The following HERC3 variants were observed in gnomAD, a reference collection of about 807,000 sequenced individuals.
The protein encoded by HERC3 is probable E3 ubiquitin-protein ligase HERC3.
HERC3 carries 58 observed loss-of-function variants against 129.9 expected under a neutral mutation model. The observed-to-expected ratio is 0.45, with a 90% CI of 0.36 to 0.56. The LOEUF is 0.56. HERC3 is among the 20% of genes least tolerant of loss of function. The probability of loss-of-function intolerance (pLI) is 0.00; values close to 1 mark genes in which losing one functional copy is unlikely to be tolerated. For missense variants in HERC3, 835 were observed against 1,244.2 expected, an observed-to-expected ratio of 0.67 and a Z score of 4.95; for synonymous variants, 430 against 451.0, an observed-to-expected ratio of 0.95 and a Z score of 0.59.
At chr4:88,527,592 A>G in the HERC3 span, 1 of 212,430 alleles carries the variant, frequency 4.7e-6, no homozygotes, top group Non-Finnish European at 9.4e-6. Flanking sequence ...TGGCTGCTGC[A>G]GTTATGGGGA....
intron 3 of HERC3, among the ~76,000 whole-genome samples, chr4:88,638,665 C>T (rs1316052425): frequency 6.6e-6 from 1 of 152,162 alleles, no homozygotes; most frequent in Non-Finnish European, 1.5e-5. Flanking sequence ...GAAGCATTCC[C>T]TTTGAAAACT....
the HERC3 span, among the ~76,000 whole-genome samples, chr4:88,558,825 A>G: frequency 2.0e-5 from 3 of 151,836 alleles, no homozygotes; most frequent in East Asian, 1.9e-4. Context: ...AAAATTAGCC[A>G]GGCATGATGG....
At chr4:88,658,222 T>G (rs995612368) in intron 9 of HERC3, 193 bp from the exon 10 acceptor site, 4 of 396,020 alleles carry the variant, frequency 1.0e-5, no homozygotes, top group African/African-American at 8.3e-5. Context: ...AGGATACCAT[T>G]TTATATATTT....
intron 23 of HERC3, among the ~76,000 whole-genome samples, chr4:88,691,880 T>C (rs1292135135): frequency 6.6e-6 from 1 of 152,266 alleles, no homozygotes; most frequent in Admixed American, 6.5e-5. Flanking sequence ...ACTTAGGCAG[T>C]TGTATACACA....
At chr4:88,570,370 G>GA in the HERC3 span, among the ~76,000 whole-genome samples, 1 of 152,160 alleles carries the variant, frequency 6.6e-6, no homozygotes, top group Non-Finnish European at 1.5e-5. Context: ...TCTCAGTGAT[G>GA]AAACAATCTT....
At chr4:88,540,150 A>G in the HERC3 span, among the ~76,000 whole-genome samples, 2 of 152,238 alleles carry the variant, frequency 1.3e-5, no homozygotes, top group African/African-American at 2.4e-5. Flanking sequence ...TCTGAGCTAA[A>G]AGAGCATGTT....
intron 23 of HERC3, among the ~76,000 whole-genome samples, chr4:88,701,076 A>G (rs1477427934): frequency 1.3e-5 from 2 of 152,362 alleles, no homozygotes; most frequent in East Asian, 1.9e-4. Context: ...ATTAACCATC[A>G]CAGTCTGTAA....
At chr4:88,615,012 C>T (rs1724746340) in intron 3 of HERC3, among the ~76,000 whole-genome samples, 3 of 152,304 alleles carry the variant, frequency 2.0e-5, no homozygotes, top group South Asian at 4.1e-4. Flanking sequence ...CAAATGTCAT[C>T]TTCTATACCT....
At chr4:88,539,322 C>T in the HERC3 span, among the ~76,000 whole-genome samples, 1 of 152,148 alleles carries the variant, frequency 6.6e-6, no homozygotes, top group African/African-American at 2.4e-5. Flanking sequence ...TCACTGCTAG[C>T]ACAGCAGTCT....
intron 16 of HERC3, among the ~76,000 whole-genome samples, chr4:88,675,993 A>C (rs1215242985): frequency 1.3e-5 from 2 of 152,178 alleles, no homozygotes; most frequent in Non-Finnish European, 2.9e-5. Context: ...CATGCCCTTT[A>C]ACGGTCATAA....
the HERC3 span, among the ~76,000 whole-genome samples, chr4:88,541,140 A>C: frequency 1.3e-5 from 2 of 152,222 alleles, no homozygotes; most frequent in Non-Finnish European, 2.9e-5. Flanking sequence ...TAAGATACAG[A>C]CTGGCAAATT....
At chr4:88,678,838 A>G (rs983308114) in intron 19 of HERC3, among the ~76,000 whole-genome samples, 1 of 152,234 alleles carries the variant, frequency 6.6e-6, no homozygotes, top group African/African-American at 2.4e-5. Context: ...AAAATTCCTA[A>G]TAAGTAGCAT....
chr4:88,563,382 A>C, the HERC3 span, among the ~76,000 whole-genome samples: 59 of 152,302 alleles, frequency 3.9e-4, no homozygotes, highest in African/African-American at 1.4e-3. Flanking sequence ...TTTGTTTATC[A>C]GTGCTGATAG....
chr4:88,548,794 G>A, the HERC3 span, among the ~76,000 whole-genome samples: 1 of 151,676 alleles, frequency 6.6e-6, no homozygotes, highest in Non-Finnish European at 1.5e-5. Flanking sequence ...CCAAGTAGCT[G>A]GGACTACAGG....
upstream of HERC3, among the ~76,000 whole-genome samples, chr4:88,588,853 G>C (rs181576003): frequency 1.1e-3 from 169 of 152,316 alleles, no homozygotes; most frequent in African/African-American, 3.9e-3. Context: ...AGCAGCCCTG[G>C]GCACCATCCC....
intron 21 of HERC3, among the ~76,000 whole-genome samples, chr4:88,685,268 T>A (rs1733293890): frequency 6.7e-6 from 1 of 150,152 alleles, no homozygotes; most frequent in African/African-American, 2.5e-5. Flanking sequence ...GATTTATAAA[T>A]CATTCTACTG....
intron 16 of HERC3, among the ~76,000 whole-genome samples, chr4:88,671,620 C>A (rs1235848300): frequency 6.6e-6 from 1 of 152,122 alleles, no homozygotes; most frequent in Non-Finnish European, 1.5e-5. Flanking sequence ...GCTTCCCAGG[C>A]TCAAGCCATT....
At chr4:88,592,824 C>T (rs1328497434) in intron 1 of HERC3, among the ~76,000 whole-genome samples, 1 of 152,040 alleles carries the variant, frequency 6.6e-6, no homozygotes, top group Non-Finnish European at 1.5e-5. Context: ...GTGGGCTCGC[C>T]CTCCGGTCAG....
Position 88,708,044 on chromosome 4 carries a change from T to G in HERC3, c.*1084T>G, listed in dbSNP as rs898373644. The G allele has an allele frequency of 6.6e-6, 1 of 152,590 alleles. No individual in the cohort carries two copies. Among genetic ancestry groups the G allele is most frequent in the Admixed American group, 6.5e-5 (1 of 15,276 alleles). 9.5% of individuals were successfully genotyped at this position (152,590 alleles called of 1,614,324 possible). The stretch of plus-strand genomic sequence containing the variant: ...CCTTTTTTTCAATTTTTATTTAAAT[T>G]GCAAAATTTTTACTCAGATTTTTTT... On this transcript the variant is annotated 3_prime_UTR_variant, in exon 26 of 26. Coordinates refer to ENST00000402738, the MANE Select transcript of HERC3 (RefSeq NM_014606.3).
Sources: allele counts gnomAD v4.1 joint callset (sites outside exome capture counted in the v4.1 genomes callset), GRCh38; gene constraint gnomAD v4.1.1; transcripts MANE v1.5; gene names NCBI Gene and HGNC (gene_info 2026-07-23, HGNC 2026-07-21).